EWSR1: variants seen among roughly 807,000 people sequenced by gnomAD.
EWSR1 encodes the protein RNA-binding protein EWS.
EWSR1 carries 14 observed loss-of-function variants against 92.1 expected under a neutral mutation model. The observed-to-expected ratio is 0.15, with a 90% CI of 0.10 to 0.24. The LOEUF (loss-of-function observed/expected upper bound fraction) is 0.24, where lower values mean the gene tolerates loss of function less well. Among genes scored for constraint, EWSR1 ranks in the 10% least tolerant of loss-of-function variants. EWSR1 has a pLI of 1.00. For synonymous variants in EWSR1, 303 were observed against 292.9 expected (o/e 1.03, Z -0.35); for missense variants, 637 against 870.9 (o/e 0.73, Z 3.38).
intron 1 of EWSR1, among the ~76,000 whole-genome samples, chr22:29,268,562 C>CG (rs1457661861): frequency 6.6e-6 from 1 of 152,146 alleles, no homozygotes; most frequent in Non-Finnish European, 1.5e-5. Flanking sequence ...CCGTGGCGCG[C>CG]GGGGGGCTTG....
At chr22:29,282,099 G>A (rs764584408) in intron 5 of EWSR1, among the ~76,000 whole-genome samples, 27 of 152,216 alleles carry the variant, frequency 1.8e-4, no homozygotes, top group African/African-American at 3.9e-4. Context: ...ATATCGCAAC[G>A]CACTTTTATA....
At chr22:29,298,601 C>A in intron 13 of EWSR1, 132 bp from the exon 14 acceptor site, 2 of 1,139,720 alleles carry the variant, frequency 1.8e-6, no homozygotes, top group Non-Finnish European at 2.6e-6. Context: ...CTGAGCCACA[C>A]GGAAACACGG....
intron 5 of EWSR1, among the ~76,000 whole-genome samples, chr22:29,279,793 T>C (rs2059417327): frequency 1.3e-5 from 2 of 152,206 alleles, no homozygotes; most frequent in Non-Finnish European, 1.5e-5. Flanking sequence ...AAGTTAAACT[T>C]AGTGGCTTAT....
At chr22:29,278,240 C>G in intron 5 of EWSR1, 24 bp downstream of exon 5, 2 of 1,606,952 alleles carry the variant, frequency 1.2e-6, no homozygotes, top group South Asian at 2.2e-5. Flanking sequence ...GTCCTTAATG[C>G]GTCAGTCTTA....
intron 8 of EWSR1, chr22:29,290,559 A>G (rs1322938572): frequency 1.9e-6 from 3 of 1,549,966 alleles, no homozygotes; most frequent in Non-Finnish European, 2.6e-6. Context: ...AACAAAATGT[A>G]TTCATTGTAT....
In EWSR1 at chr22:29,300,482, T is replaced by TG; in HGVS notation, c.*321_*322insG. 8.0e-6 allele frequency: 2 copies of TG among 249,734 alleles called. No individual in the cohort carries two copies. Among genetic ancestry groups the TG allele is most frequent in the Non-Finnish European group, 1.5e-5 (2 of 131,090 alleles). The allele number at this position is 249,734 out of a possible 1,614,324, so 15.5% of individuals were successfully genotyped here. ...AACAATGTTCATGGTTGTGATGTTT[T>TG]TTTTTTTTTTTTAAATAAAATTCCA... On this transcript the variant is annotated 3_prime_UTR_variant, in exon 17 of 17. Coordinates refer to ENST00000397938, the MANE Select transcript of EWSR1 (RefSeq NM_005243.4).
At chr22:29,280,845 G>A (rs2059513645) in intron 5 of EWSR1, among the ~76,000 whole-genome samples, 1 of 113,358 alleles carries the variant, frequency 8.8e-6, no homozygotes, top group African/African-American at 3.2e-5. Flanking sequence ...AGCTAATTTT[G>A]TGTGTGTGTG....
chr22:29,281,878 G>T (rs930656599), intron 5 of EWSR1, among the ~76,000 whole-genome samples: 2 of 151,996 alleles, frequency 1.3e-5, no homozygotes, highest in South Asian at 2.1e-4. Flanking sequence ...AGCCATTCTC[G>T]CCTGGCCTTG....
rs762224644 is a variant in EWSR1 at position 29,296,226 on chromosome 22, ATTC to A, written c.1165-10_1165-8del. 3.7e-6 allele frequency: 6 copies of A among 1,612,946 alleles called. No homozygotes were observed. Among genetic ancestry groups the A allele is most frequent in the African/African-American group, 1.3e-5 (1 of 74,846 alleles). On this transcript the variant is annotated splice_polypyrimidine_tract_variant and intron_variant, in intron 11 of 16. Transcript: ENST00000397938. ...TATTCTAGTCATGCCTAACTATGCT[ATTC>A]TTTGTCTAGATGAACAAGAGAACTG...
chr22:29,273,903 C>G (rs756039603), intron 4 of EWSR1, 39 bp downstream of exon 4: 3 of 1,611,018 alleles, frequency 1.9e-6, no homozygotes, highest in African/African-American at 2.7e-5. Context: ...GTCGTTCTGG[C>G]TAGGGCATTG....
intron 7 of EWSR1, among the ~76,000 whole-genome samples, chr22:29,287,908 C>T (rs1434204194): frequency 1.3e-5 from 2 of 152,102 alleles, no homozygotes. Context: ...GGCATGGTGG[C>T]TCACACCTGT....
In EWSR1 at chr22:29,286,397, T is replaced by A. The variant is rs561792601; in HGVS notation, c.582-526T>A. 1.5e-3 allele frequency among the ~76,000 whole-genome samples: 223 copies of A among 149,762 alleles called. 1 individual carries two copies. The highest frequency in any genetic ancestry group is 1.3e-3 in the Non-Finnish European group (85 of 67,516). ...TTATACAGATGGTGGTTATAATATT[T>A]CCCCCTCCCAGCTGGGCACCGTGGC... On this transcript the variant is annotated intron_variant, in intron 6 of 16. Transcript: ENST00000397938.
rs2061262294 is a variant in EWSR1 at position 29,300,467 on chromosome 22, A to G, written c.*306A>G. 1 of 279,090 alleles carries G rather than the reference A, an allele frequency of 3.6e-6. No individual in the cohort carries two copies. 17.3% of individuals were successfully genotyped at this position (279,090 alleles called of 1,614,324 possible). ...GGGCCTCTTAACTGTAACAATGTTCATGGTTGTGATGTTTTTTTTTTTTTT... is the reference window on the plus strand; with the variant it reads ...GGGCCTCTTAACTGTAACAATGTTCGTGGTTGTGATGTTTTTTTTTTTTTT... On this transcript the variant is annotated 3_prime_UTR_variant, in exon 17 of 17. Coordinates refer to ENST00000397938, the MANE Select transcript of EWSR1 (RefSeq NM_005243.4).
chr22:29,290,517 A>G, intron 8 of EWSR1: 1 of 1,608,184 alleles, frequency 6.2e-7, no homozygotes, highest in Non-Finnish European at 8.5e-7. Context: ...CGGTGTCCAT[A>G]TGGAGAGGAA....
intron 4 of EWSR1, chr22:29,274,536 A>G: frequency 2.2e-6 from 1 of 454,810 alleles, no homozygotes; most frequent in Non-Finnish European, 4.0e-6. Flanking sequence ...TACCTTCCCA[A>G]AGGTATTTCA....
At chr22:29,268,768 C>T (rs1457092672) in intron 1 of EWSR1, among the ~76,000 whole-genome samples, 2 of 152,250 alleles carry the variant, frequency 1.3e-5, no homozygotes, top group South Asian at 2.1e-4. Flanking sequence ...CCTGTGAGGC[C>T]TCCCTCCCCG....
intron 15 of EWSR1, 116 bp from the exon 16 acceptor site, chr22:29,299,483 A>C (rs1380689253): frequency 1.3e-6 from 2 of 1,490,150 alleles, no homozygotes; most frequent in East Asian, 4.7e-5. Context: ...GCCGAGATTG[A>C]GTGAAGTGTC....
Position 29,294,911 on chromosome 22 carries a change from CA to C in EWSR1, c.1165-1317del, listed in dbSNP as rs573950228. Reference sequence around the variant, plus strand: ...CTGGCGACAGAGCAAGACTCCATCTCAAAAAAAAAAAGGAAATACAGTTGAT... The same window carrying C: ...CTGGCGACAGAGCAAGACTCCATCTCAAAAAAAAAAGGAAATACAGTTGAT... On this transcript the variant is annotated intron_variant, in intron 11 of 16. Transcript: ENST00000397938. 1.5e-3 allele frequency among the ~76,000 whole-genome samples: 198 copies of C among 135,580 alleles called. 1 individual carries two copies. Among genetic ancestry groups the C allele is most frequent in the African/African-American group, 1.4e-3 (53 of 37,006 alleles). The allele number at this position is 135,580 out of a possible 152,430, so 88.9% of individuals were successfully genotyped here.
chr22:29,276,053 T>G (rs985766767), intron 4 of EWSR1: 1 of 231,626 alleles, frequency 4.3e-6, no homozygotes, highest in African/African-American at 2.2e-5. Context: ...TGTCTATTGC[T>G]GTAATCTTTA....
Sources: gnomAD v4.1 joint callset for allele counts (sites outside exome capture counted in the v4.1 genomes callset) on GRCh38, gnomAD v4.1.1 for gene constraint, MANE v1.5 for transcripts, NCBI Gene and HGNC (gene_info 2026-07-23, HGNC 2026-07-21) for gene names.